MN1: variants seen among roughly 807,000 people sequenced by gnomAD.
MN1 encodes transcriptional activator MN1.
Under a neutral mutation model 86.9 loss-of-function variants are expected in MN1, and 19 were observed. That is an observed-to-expected ratio of 0.22 (90% CI 0.15 to 0.32). The LOEUF (loss-of-function observed/expected upper bound fraction) is 0.32, where lower values mean the gene tolerates loss of function less well. MN1 is among the 10% of genes least tolerant of loss of function. The pLI, the probability that MN1 is intolerant of heterozygous loss-of-function variation, is 1.00. For missense variants in MN1, 1,841 were observed against 1,862.0 expected (o/e 0.99, Z 0.21); for synonymous variants, 928 against 849.6 (o/e 1.09, Z -1.60).
intron 1 of MN1, among the ~76,000 whole-genome samples, chr22:27,774,629 C>T (rs1280652566): frequency 6.6e-6 from 1 of 152,200 alleles, no homozygotes; most frequent in African/African-American, 2.4e-5. Context: ...GATAATAATA[C>T]CAATTAATGT....
At chr22:27,777,720 C>CAA (rs1568976618) in intron 1 of MN1, among the ~76,000 whole-genome samples, 2 of 151,068 alleles carry the variant, frequency 1.3e-5, no homozygotes, top group East Asian at 1.9e-4. Flanking sequence ...CACACACACA[C>CAA]AAAATATTAG....
chr22:27,800,185 C>A lies in MN1; in HGVS notation c.359G>T (p.Gly120Val), dbSNP rs1223225726. Reference protein sequence around the residue: ...HHPHFGGNFGGPDPGASCLHG... With the variant: ...HHPHFGGNFGVPDPGASCLHG... ...CAGGCACGAGGCCCCGGGGTCCGGGCCACCGAAGTTGCCCCCAAAGTGGGG... is the reference window on the plus strand; with the variant it reads ...CAGGCACGAGGCCCCGGGGTCCGGGACACCGAAGTTGCCCCCAAAGTGGGG... Residue 120 changes from glycine to valine, a missense_variant, in exon 1 of 2, where the codon GGC (glycine) becomes GTC (valine). By Grantham distance (109) the Gly-to-Val change is moderately radical. Transcript: ENST00000302326. The A allele has an allele frequency of 3.2e-6, 5 of 1,549,406 alleles. No individual in the cohort carries two copies.
chr22:27,798,607 C>G lies in MN1; in HGVS notation c.1937G>C (p.Arg646Thr), dbSNP rs748544919. The G allele has an allele frequency of 1.9e-6, 3 of 1,560,616 alleles. No individual in the cohort carries two copies. Among genetic ancestry groups the G allele is most frequent in the Non-Finnish European group, 2.6e-6 (3 of 1,162,124 alleles). The change falls in exon 1 of 2, where the codon AGG becomes ACG. Residue 646 changes from arginine to threonine, a missense_variant. Coordinates refer to ENST00000302326, the MANE Select transcript of MN1 (RefSeq NM_002430.3). ...HPPPGDLLPR[R>T]MGGSGLPADC... ...AGCGGGCAGACCCGAGCCGCCCATC[C>G]TACGGGGCAGCAGGTCTCCGGGCGG...
chr22:27,758,214 T>G (rs940070428), intron 1 of MN1, among the ~76,000 whole-genome samples: 1 of 152,104 alleles, frequency 6.6e-6, no homozygotes, highest in African/African-American at 2.4e-5. Flanking sequence ...CAGTGCTCTC[T>G]CCTGCACTGA....
chr22:27,780,526 A>T (rs1219305487), intron 1 of MN1, among the ~76,000 whole-genome samples: 1 of 152,178 alleles, frequency 6.6e-6, no homozygotes, highest in African/African-American at 2.4e-5. Context: ...ACACCACGGG[A>T]ATCAGCAGAT....
intron 1 of MN1, among the ~76,000 whole-genome samples, chr22:27,788,829 C>T (rs979167211): frequency 6.6e-6 from 1 of 152,128 alleles, no homozygotes; most frequent in African/African-American, 2.4e-5. Flanking sequence ...GGGCCCTCAA[C>T]TTTGACGCAG....
intron 1 of MN1, among the ~76,000 whole-genome samples, chr22:27,796,111 T>C (rs1454122118): frequency 6.8e-6 from 1 of 147,178 alleles, no homozygotes; most frequent in East Asian, 2.1e-4. Context: ...AAAGGTTCCC[T>C]GCCTCCTGCA....
chr22:27,764,376 C>T (rs1932854777), intron 1 of MN1, among the ~76,000 whole-genome samples: 1 of 152,194 alleles, frequency 6.6e-6, no homozygotes, highest in Non-Finnish European at 1.5e-5. Context: ...GTGCCCAAGG[C>T]AGCTTCTAAG....
chr22:27,759,066 A>C (rs939044887), intron 1 of MN1, among the ~76,000 whole-genome samples: 3 of 152,138 alleles, frequency 2.0e-5, no homozygotes, highest in Non-Finnish European at 1.5e-5. Context: ...GAGCTCAAGC[A>C]ATCCACCTGC....
rs901375990 is a variant in MN1 at position 27,798,712 on chromosome 22, C to T, written c.1832G>A (p.Gly611Asp). 5.9e-6 allele frequency: 9 copies of T among 1,535,146 alleles called. No homozygotes were observed. The highest frequency in any genetic ancestry group is 7.8e-6 in the Non-Finnish European group (9 of 1,146,908). The change falls in exon 1 of 2, where the codon GGC becomes GAC. Residue 611 changes from glycine to aspartate, a missense_variant. Physicochemically the swap from Gly to Asp is moderately conservative, Grantham distance 94. Transcript: ENST00000302326. Reference protein sequence around the residue: ...PNFEREGGSTGAGRLGTFEQQ... With the variant: ...PNFEREGGSTDAGRLGTFEQQ... ...CTCGAAGGTGCCCAGACGCCCGGCGCCCGTGCTGCCGCCTTCGCGCTCAAA... is the reference window on the plus strand; with the variant it reads ...CTCGAAGGTGCCCAGACGCCCGGCGTCCGTGCTGCCGCCTTCGCGCTCAAA...
chr22:27,799,309 T>C lies in MN1; in HGVS notation c.1235A>G (p.His412Arg), dbSNP rs746543801. 2 of 1,591,888 alleles carry C rather than the reference T, an allele frequency of 1.3e-6. No homozygotes were observed. Among genetic ancestry groups the C allele is most frequent in the East Asian group, 2.2e-5 (1 of 44,526 alleles). Reference sequence around the variant, plus strand: ...GTGCATGCTCCGGTTCTCCAGCCGGTGGATGGGATACTCGAATTGCGCGTG... The same window carrying C: ...GTGCATGCTCCGGTTCTCCAGCCGGCGGATGGGATACTCGAATTGCGCGTG... ...SQHAQFEYPIHRLENRSMHPY... is the reference protein window; with the variant it reads ...SQHAQFEYPIRRLENRSMHPY... Residue 412 changes from histidine to arginine, a missense_variant, in exon 1 of 2, where the codon CAC becomes CGC. Physicochemically the swap from His to Arg is conservative, Grantham distance 29. Transcript: ENST00000302326.
Position 27,800,619 on chromosome 22 carries a change from G to T in MN1, c.-76C>A. On this transcript the variant is annotated 5_prime_UTR_variant, in exon 1 of 2. Coordinates refer to ENST00000302326, the MANE Select transcript of MN1 (RefSeq NM_002430.3). ...GCGGCGCGCCTCCGGCCAGCTACTCGTTCCAGCCCAGGATTGGGCGCTCCG... is the reference window on the plus strand; with the variant it reads ...GCGGCGCGCCTCCGGCCAGCTACTCTTTCCAGCCCAGGATTGGGCGCTCCG... 3.1e-6 allele frequency: 5 copies of T among 1,599,382 alleles called. No individual in the cohort carries two copies. Among genetic ancestry groups the T allele is most frequent in the Non-Finnish European group, 4.3e-6 (5 of 1,176,258 alleles).
rs764284425 is a variant in MN1, at chr22:27,799,247, G to C, written c.1297C>G (p.Pro433Ala). The C allele has an allele frequency of 4.4e-6, 7 of 1,588,604 alleles. No homozygotes were observed. Among genetic ancestry groups the C allele is most frequent in the Non-Finnish European group, 6.0e-6 (7 of 1,165,330 alleles). Residue 433 changes from proline to alanine, a missense_variant, in exon 1 of 2, where the codon CCT becomes GCT. By Grantham distance (27) the Pro-to-Ala change is conservative. Coordinates refer to ENST00000302326, the MANE Select transcript of MN1 (RefSeq NM_002430.3). ...CGCTGGTTGGGCGCCTGCTGCGGAG[G>C]AGGATGCTGCATGCTGAAAACAGGC... Reference protein sequence around the residue: ...SEPVFSMQHPPPQQAPNQRLQ... With the variant: ...SEPVFSMQHPAPQQAPNQRLQ...
intron 1 of MN1, among the ~76,000 whole-genome samples, chr22:27,753,942 G>A (rs1352802657): frequency 6.6e-6 from 1 of 152,108 alleles, no homozygotes; most frequent in African/African-American, 2.4e-5. Flanking sequence ...AGTAGTACCT[G>A]CCACAGAGAG....
In MN1 at chr22:27,798,022, G is replaced by A. The variant is rs916769338; in HGVS notation, c.2522C>T (p.Ala841Val). Residue 841 changes from alanine (A) to valine (V), a missense_variant, in exon 1 of 2, where the codon GCC becomes GTC. By Grantham distance (64) the Ala-to-Val change is moderately conservative. Transcript: ENST00000302326. ...GTTGAAGGTCACGTTGAGGTTGGGG[G>A]CCCCGAGGCTGGCGATCATGTTCTG... Reference protein sequence around the residue: ...ACQNMIASLGAPNLNVTFNKK... With the variant: ...ACQNMIASLGVPNLNVTFNKK... The A allele has an allele frequency of 1.9e-6, 3 of 1,606,270 alleles. No homozygotes were observed. Among genetic ancestry groups the A allele is most frequent in the Admixed American group, 1.7e-5 (1 of 58,438 alleles).
In MN1 at chr22:27,801,089, C is replaced by G. The variant is rs545872385; in HGVS notation, c.-546G>C. 1 of 232,986 alleles carries G rather than the reference C, an allele frequency of 4.3e-6. No individual in the cohort carries two copies. The highest frequency in any genetic ancestry group is 1.6e-4 in the South Asian group (1 of 6,074). The allele number at this position is 232,986 out of a possible 1,614,324, so 14.4% of individuals were successfully genotyped here. A position where few individuals can be genotyped will look rare whatever the true frequency, so the allele number is the denominator to read the frequency against. On this transcript the variant is annotated 5_prime_UTR_variant, in exon 1 of 2. Transcript: ENST00000302326. ...CGACAGAGCGGTCCCTCCCCCCGCC[C>G]CCCGGAGTCCCCGCGCCCCGCAGCC...
intron 1 of MN1, among the ~76,000 whole-genome samples, chr22:27,790,834 G>A (rs1417081102): frequency 6.6e-6 from 1 of 152,162 alleles, no homozygotes; most frequent in Non-Finnish European, 1.5e-5. Flanking sequence ...GTCTGCTACT[G>A]AAATACTCCA....
In MN1 at chr22:27,797,726, C is replaced by T; in HGVS notation, c.2818G>A (p.Gly940Ser). ...CTTTTTCTGCGACCCCGTCCCCGGC[C>T]GCCGCCCCCGGAGACCGGCTTGCCG... ...NDGKPVSGGG[G>S]RGRGRRKRDS... is the part of the protein sequence containing the mutation. Residue 940 changes from glycine to serine, a missense_variant, in exon 1 of 2, where the codon GGC becomes AGC. By Grantham distance (56) the Gly-to-Ser change is moderately conservative. Coordinates refer to ENST00000302326, the MANE Select transcript of MN1 (RefSeq NM_002430.3). The T allele has an allele frequency of 6.2e-7, 1 of 1,611,678 alleles. No homozygotes were observed. The highest frequency in any genetic ancestry group is 8.5e-7 in the Non-Finnish European group (1 of 1,179,510).
At chr22:27,757,839 T>G (rs1007940692) in intron 1 of MN1, among the ~76,000 whole-genome samples, 24 of 152,070 alleles carry the variant, frequency 1.6e-4, no homozygotes, top group Non-Finnish European at 2.9e-4. Context: ...CCTCACCTCC[T>G]TAGAAGGGCA....
Sources: allele counts gnomAD v4.1 joint callset (sites outside exome capture counted in the v4.1 genomes callset), GRCh38; gene constraint gnomAD v4.1.1; transcripts MANE v1.5; gene names NCBI Gene and HGNC (gene_info 2026-07-23, HGNC 2026-07-21).